The following PLA2G4A variants were observed in gnomAD, a reference collection of about 807,000 sequenced individuals.
The protein encoded by PLA2G4A is phospholipase A2 group IVA, also known as cytosolic phospholipase A2.
PLA2G4A carries 40 observed loss-of-function variants against 81.9 expected under a neutral mutation model. The observed-to-expected ratio is 0.49, with a 90% CI of 0.38 to 0.64. PLA2G4A has a LOEUF of 0.64. Among genes scored for constraint, PLA2G4A ranks in the 30% least tolerant of loss-of-function variants. PLA2G4A has a pLI of 0.00. For synonymous variants in PLA2G4A, 302 were observed against 296.9 expected, an observed-to-expected ratio of 1.02 and a Z score of -0.18; for missense variants, 715 against 905.1, an observed-to-expected ratio of 0.79 and a Z score of 2.69.
intron 17 of PLA2G4A, among the ~76,000 whole-genome samples, chr1:186,984,574 T>C (rs561084136): frequency 2.6e-5 from 4 of 152,356 alleles, no homozygotes; most frequent in African/African-American, 7.2e-5. Context: ...GGTACTCATT[T>C]CTTAATTCAT....
chr1:186,868,787 T>A (rs1404662495), intron 2 of PLA2G4A, among the ~76,000 whole-genome samples: 1 of 152,194 alleles, frequency 6.6e-6, no homozygotes, highest in East Asian at 1.9e-4. Context: ...TCGATCCATT[T>A]CATCTAGGTT....
At chr1:186,860,653 T>G (rs1170814677) in intron 2 of PLA2G4A, among the ~76,000 whole-genome samples, 2 of 152,200 alleles carry the variant, frequency 1.3e-5, no homozygotes, top group Non-Finnish European at 2.9e-5. Flanking sequence ...ATGTGTAAAA[T>G]TAATCATCAC....
intron 3 of PLA2G4A, among the ~76,000 whole-genome samples, chr1:186,891,457 C>G (rs1186124977): frequency 6.6e-6 from 1 of 152,118 alleles, no homozygotes; most frequent in African/African-American, 2.4e-5. Flanking sequence ...CTCCAGCCCC[C>G]TACTACCCTT....
intron 7 of PLA2G4A, among the ~76,000 whole-genome samples, chr1:186,930,838 T>C (rs1192557080): frequency 2.0e-5 from 3 of 152,218 alleles, no homozygotes; most frequent in Non-Finnish European, 4.4e-5. Flanking sequence ...AGTATTTTGG[T>C]ACCCAAATTG....
rs531725083 is a variant in PLA2G4A, at chr1:186,843,526, A to G, written c.-69-10760A>G. Reference sequence around the variant, plus strand: ...AACTTCCTTTGTGCTGCTCACAGCTATGGAAGACTGACACGTGTATAATGG... The same window carrying G: ...AACTTCCTTTGTGCTGCTCACAGCTGTGGAAGACTGACACGTGTATAATGG... On this transcript the variant is annotated intron_variant, in intron 1 of 17. Coordinates refer to ENST00000367466, the MANE Select transcript of PLA2G4A (RefSeq NM_024420.3). 6.0e-4 allele frequency among the ~76,000 whole-genome samples: 91 copies of G among 152,376 alleles called. No individual in the cohort carries two copies. In the South Asian group the frequency reaches 0.015, roughly 25 times the overall value.
rs567837464 is a variant in PLA2G4A, at chr1:186,846,551, A to T, written c.-69-7735A>T. 4.6e-5 allele frequency among the ~76,000 whole-genome samples: 7 copies of T among 152,266 alleles called. No individual in the cohort carries two copies. In the South Asian group the frequency reaches 1.5e-3, roughly 32 times the overall value. On this transcript the variant is annotated intron_variant, in intron 1 of 17. Coordinates refer to ENST00000367466, the MANE Select transcript of PLA2G4A (RefSeq NM_024420.3). ...CATCTGACAACCACAGTACATTATC[A>T]ACACCAGGAAACTGACATTGGTACA...
intron 13 of PLA2G4A, among the ~76,000 whole-genome samples, chr1:186,955,024 G>C (rs1264512569): frequency 6.6e-6 from 1 of 152,124 alleles, no homozygotes; most frequent in African/African-American, 2.4e-5. Context: ...AAGAGAAGGG[G>C]AAAGTAACTA....
chr1:186,966,986 G>A (rs1344130440), intron 15 of PLA2G4A, among the ~76,000 whole-genome samples: 1 of 152,080 alleles, frequency 6.6e-6, no homozygotes, highest in Admixed American at 6.6e-5. Context: ...GTGAATAAAT[G>A]AAATGCTATG....
At chr1:186,892,743 C>A (rs1340312806) in intron 3 of PLA2G4A, among the ~76,000 whole-genome samples, 1 of 152,168 alleles carries the variant, frequency 6.6e-6, no homozygotes, top group Non-Finnish European at 1.5e-5. Context: ...CTGCTTTGAA[C>A]CTGTCCTCTC....
At chr1:186,967,632 T>C (rs994733040) in intron 15 of PLA2G4A, among the ~76,000 whole-genome samples, 6 of 152,112 alleles carry the variant, frequency 3.9e-5, no homozygotes, top group African/African-American at 1.4e-4. Context: ...TACATAAGTA[T>C]GTGTATTATA....
intron 3 of PLA2G4A, among the ~76,000 whole-genome samples, chr1:186,871,675 G>A (rs1430560818): frequency 4.6e-5 from 7 of 152,052 alleles, no homozygotes; most frequent in African/African-American, 1.7e-4. Flanking sequence ...GGGCTGGAAG[G>A]GCAGATGAGA....
At chr1:186,967,733 T>G (rs1346989958) in intron 15 of PLA2G4A, among the ~76,000 whole-genome samples, 1 of 152,060 alleles carries the variant, frequency 6.6e-6, no homozygotes, top group Non-Finnish European at 1.5e-5. Flanking sequence ...GAGATGGCAA[T>G]GAGCACATCT....
intron 1 of PLA2G4A, among the ~76,000 whole-genome samples, chr1:186,838,628 C>CT (rs1248956245): frequency 6.6e-6 from 1 of 151,910 alleles, no homozygotes; most frequent in African/African-American, 2.4e-5. Context: ...ATTCTGGAAC[C>CT]TTTTTTTTCT....
chr1:186,944,108 T>C (rs1478812261), intron 10 of PLA2G4A, among the ~76,000 whole-genome samples: 1 of 152,250 alleles, frequency 6.6e-6, no homozygotes, highest in East Asian at 1.9e-4. Context: ...TAGCATGGTT[T>C]ACTGAAATAG....
At chr1:186,952,753 C>T (rs1422854435) in intron 13 of PLA2G4A, among the ~76,000 whole-genome samples, 1 of 112,538 alleles carries the variant, frequency 8.9e-6, no homozygotes, top group East Asian at 3.2e-4. Flanking sequence ...AATCATTTTA[C>T]TCTCTCCATA....
intron 3 of PLA2G4A, among the ~76,000 whole-genome samples, chr1:186,880,695 GAAT>G (rs1204969081): frequency 2.6e-5 from 4 of 152,034 alleles, no homozygotes; most frequent in African/African-American, 7.2e-5. Flanking sequence ...TAGCTAAAAT[GAAT>G]AATATGAATA....
At chr1:186,940,900 G>C (rs1656128230) in intron 10 of PLA2G4A, among the ~76,000 whole-genome samples, 1 of 152,084 alleles carries the variant, frequency 6.6e-6, no homozygotes, top group Non-Finnish European at 1.5e-5. Flanking sequence ...TATTTGTAGT[G>C]GTTGATGAAC....
intron 3 of PLA2G4A, among the ~76,000 whole-genome samples, chr1:186,877,655 C>A (rs1418139170): frequency 8.1e-6 from 1 of 123,426 alleles, no homozygotes; most frequent in Non-Finnish European, 1.6e-5. Context: ...ACACTTGTCA[C>A]ATGGGAGTAT....
chr1:186,943,331 G>T (rs760453209), intron 10 of PLA2G4A, among the ~76,000 whole-genome samples: 1 of 152,186 alleles, frequency 6.6e-6, no homozygotes. Context: ...GACTTAAAAC[G>T]TTCATTTAAA....
Sources: gnomAD v4.1 joint callset for allele counts (sites outside exome capture counted in the v4.1 genomes callset) on GRCh38, gnomAD v4.1.1 for gene constraint, MANE v1.5 for transcripts, NCBI Gene and HGNC (gene_info 2026-07-23, HGNC 2026-07-21) for gene names.